Variants in VRK2 observed in about 807,000 individuals in gnomAD.
VRK2 encodes VRK serine/threonine kinase 2.
In VRK2, 60 loss-of-function variants were observed where a neutral mutation model predicts 57.6. The ratio of observed to expected loss-of-function variants is 1.04; its 90% CI spans 0.85 to 1.29. The LOEUF is 1.29. VRK2 is among the 50% of genes most tolerant of loss of function. VRK2 has a pLI of 0.00. For missense variants in VRK2, 705 were observed against 588.1 expected, an observed-to-expected ratio of 1.20 and a Z score of -2.06; for synonymous variants, 231 against 199.2, an observed-to-expected ratio of 1.16 and a Z score of -1.35.
At chr2:58,151,334 T>C (rs893404045) in intron 12 of VRK2, among the ~76,000 whole-genome samples, 2 of 151,756 alleles carry the variant, frequency 1.3e-5, no homozygotes, top group African/African-American at 4.8e-5. Context: ...GAAATATCTT[T>C]CTTTATATCT....
intron 8 of VRK2, among the ~76,000 whole-genome samples, chr2:58,131,052 G>A (rs188175029): frequency 4.0e-5 from 6 of 151,868 alleles, no homozygotes; most frequent in Non-Finnish European, 7.4e-5. Context: ...TGCTTTTAAC[G>A]TACTTTTTAG....
At chr2:58,043,257 T>C (rs1282212350), upstream of VRK2, among the ~76,000 whole-genome samples, 1 of 152,152 alleles carries the variant, frequency 6.6e-6, no homozygotes, top group Non-Finnish European at 1.5e-5. Flanking sequence ...GAATTAGTAG[T>C]TCAATAATGG....
chr2:58,070,844 G>A (rs531853040), intron 2 of VRK2, among the ~76,000 whole-genome samples: 1 of 152,132 alleles, frequency 6.6e-6, no homozygotes, highest in Non-Finnish European at 1.5e-5. Flanking sequence ...GCAGTTCCTG[G>A]ATTGTATACT....
At chr2:58,023,176 T>A (rs1673816726) in intron 1 of VRK2, among the ~76,000 whole-genome samples, 1 of 152,162 alleles carries the variant, frequency 6.6e-6, no homozygotes, top group Admixed American at 6.5e-5. Context: ...CAACCTCCTT[T>A]CTGTGTGTAT....
rs1486891945 is a variant in VRK2 at position 58,053,626 on chromosome 2, AG to A, written c.136+4660del. On this transcript the variant is annotated intron_variant, in intron 2 of 12. Coordinates refer to ENST00000340157, the MANE Select transcript of VRK2 (RefSeq NM_006296.7). ...TTCTTTATAAATAGTGAGCTATAATAGATTGATTTTAAGGTATGCAGAATAA... is the reference window on the plus strand; with the variant it reads ...TTCTTTATAAATAGTGAGCTATAATAATTGATTTTAAGGTATGCAGAATAA... 2.6e-5 allele frequency among the ~76,000 whole-genome samples: 4 copies of A among 152,166 alleles called. No homozygotes were observed. The East Asian group carries it at 7.7e-4, about 29-fold the overall frequency.
intron 7 of VRK2, among the ~76,000 whole-genome samples, chr2:58,114,454 G>A (rs1676106095): frequency 6.6e-6 from 1 of 152,172 alleles, no homozygotes; most frequent in African/African-American, 2.4e-5. Context: ...AGTCTAAGTT[G>A]GTCTGGTGTC....
intron 1 of VRK2, among the ~76,000 whole-genome samples, chr2:57,997,145 T>A (rs1017085912): frequency 3.3e-5 from 5 of 152,110 alleles, no homozygotes; most frequent in African/African-American, 1.2e-4. Flanking sequence ...AAAAAATAGA[T>A]AATCGATTTT....
At chr2:58,137,253 T>TACATGTATATC (rs1558687640) in intron 10 of VRK2, among the ~76,000 whole-genome samples, 1 of 115,474 alleles carries the variant, frequency 8.7e-6, no homozygotes, top group Non-Finnish European at 1.9e-5. Flanking sequence ...ATATATATGA[T>TACATGTATATC]ATATATGATA....
At chr2:57,994,785 A>G (rs1275183566) in intron 1 of VRK2, among the ~76,000 whole-genome samples, 1 of 152,226 alleles carries the variant, frequency 6.6e-6, no homozygotes, top group Non-Finnish European at 1.5e-5. Flanking sequence ...CTTTGCAAAA[A>G]ACAATAAACT....
rs569360903 is a variant in VRK2 at position 58,030,219 on chromosome 2, C to A, written c.-332-3008C>A. 9.2e-5 allele frequency among the ~76,000 whole-genome samples: 14 copies of A among 152,144 alleles called. No homozygotes were observed. In the South Asian group the frequency reaches 2.9e-3, roughly 32 times the overall value. On this transcript the variant is annotated intron_variant, in intron 2 of 15. Transcript: ENST00000417641. The stretch of plus-strand genomic sequence containing the variant: ...ACATATTGCTGCTTTTTCCTCAGAT[C>A]TAATAAGTTTAACTTAAAACACTTA...
chr2:58,146,860 AATG>A, intron 12 of VRK2, among the ~76,000 whole-genome samples: 1 of 151,962 alleles, frequency 6.6e-6, no homozygotes. Flanking sequence ...TGTATTTTAA[AATG>A]ATGTATTTTT....
At chr2:57,994,187 C>T (rs1311797972) in intron 1 of VRK2, among the ~76,000 whole-genome samples, 1 of 152,088 alleles carries the variant, frequency 6.6e-6, no homozygotes, top group Admixed American at 6.5e-5. Flanking sequence ...AAAGATCCCA[C>T]CTCTTTAAAT....
Position 58,159,459 on chromosome 2 carries a change from G to T in VRK2, c.1293G>T (p.Glu431Asp). The T allele has an allele frequency of 6.2e-7, 1 of 1,613,534 alleles. No homozygotes were observed. Among genetic ancestry groups the T allele is most frequent in the Admixed American group, 1.7e-5 (1 of 59,950 alleles). The part of the protein sequence containing the change: ...SYTQFPNSFY[E>D]PHQDFTSPDI... ...CACAATTCCCAAACTCATTTTATGA[G>T]CCTCATCAAGATTTTACCAGTCCAG... The change falls in exon 13 of 13, where the codon GAG becomes GAT. Residue 431 changes from glutamate to aspartate, a missense_variant. Transcript: ENST00000340157.
rs149697793 is a variant in VRK2 at position 58,011,449 on chromosome 2, C to A, written c.-438-14216C>A. ...GAAAGCTTCTATCCAAGGCTGTCAG[C>A]AGAAGACACTTGAACTGGAATTTCA... On this transcript the variant is annotated intron_variant, in intron 1 of 15. Coordinates refer to the VRK2 transcript ENST00000417641. Among the ~76,000 whole-genome samples the A allele has an allele frequency of 4.4e-3, 670 of 152,312 alleles. 4 individuals are homozygous for A. The highest frequency in any genetic ancestry group is 0.015 in the African/African-American group (631 of 41,564).
Position 58,159,532 on chromosome 2 carries a change from A to C in VRK2, c.1366A>C (p.Thr456Pro). 1 of 1,613,854 alleles carries C rather than the reference A, an allele frequency of 6.2e-7. No homozygotes were observed. Among genetic ancestry groups the C allele is most frequent in the East Asian group, 2.2e-5 (1 of 44,856 alleles). Residue 456 changes from threonine (T) to proline (P), a missense_variant, in exon 13 of 13, where the codon ACA (threonine) becomes CCA (proline). Transcript: ENST00000340157. ...RSPSWYKYTSTVSTGITDLES... is the reference protein window; with the variant it reads ...RSPSWYKYTSPVSTGITDLES... ...TCCATCTTGGTATAAATACACTTCC[A>C]CAGTCAGCACGGGGATCACAGACTT...
At chr2:58,076,558 T>C (rs1670138366) in intron 2 of VRK2, among the ~76,000 whole-genome samples, 1 of 152,074 alleles carries the variant, frequency 6.6e-6, no homozygotes, top group Non-Finnish European at 1.5e-5. Flanking sequence ...GTCTACATTT[T>C]TTTGAAATAC....
intron 1 of VRK2, among the ~76,000 whole-genome samples, chr2:57,950,120 G>A (rs1671379867): frequency 1.3e-5 from 2 of 152,234 alleles, no homozygotes; most frequent in Admixed American, 1.3e-4. Flanking sequence ...GAAGTAGCAA[G>A]TGCTGATGTG....
intron 8 of VRK2, among the ~76,000 whole-genome samples, chr2:58,125,692 GAT>G (rs200492350): frequency 1.5e-4 from 23 of 151,358 alleles, no homozygotes; most frequent in Admixed American, 7.2e-4. Context: ...TAGGCATATT[GAT>G]ATATATATAT....
At chr2:58,154,448 T>A (rs1042605934) in intron 12 of VRK2, among the ~76,000 whole-genome samples, 3 of 152,068 alleles carry the variant, frequency 2.0e-5, no homozygotes, top group Non-Finnish European at 2.9e-5. Context: ...AAATCCATCA[T>A]GTCACATACT....
Sources: gnomAD v4.1 joint callset for allele counts (sites outside exome capture counted in the v4.1 genomes callset) on GRCh38, gnomAD v4.1.1 for gene constraint, MANE v1.5 for transcripts, NCBI Gene and HGNC (gene_info 2026-07-23, HGNC 2026-07-21) for gene names.